CFHR1: variants seen among roughly 807,000 people sequenced by gnomAD.
CFHR1 encodes complement factor H-related protein 1.
In CFHR1, 22 loss-of-function variants were observed where a neutral mutation model predicts 30.4. The ratio of observed to expected loss-of-function variants is 0.72; its 90% CI spans 0.52 to 1.03. CFHR1 has a LOEUF of 1.03. Among genes scored for constraint, CFHR1 ranks in the 50% least tolerant of loss-of-function variants. CFHR1 has a pLI of 0.00. For synonymous variants in CFHR1, 95 were observed against 129.1 expected (o/e 0.74, Z 1.79); for missense variants, 248 against 380.6 (o/e 0.65, Z 2.90).
Position 196,822,559 on chromosome 1 carries a change from A to G in CFHR1, c.58+2657A>G, listed in dbSNP as rs1438642408. 1.5e-5 allele frequency among the ~76,000 whole-genome samples: 2 copies of G among 133,364 alleles called. 1 individual carries two copies. Among genetic ancestry groups the G allele is most frequent in the African/African-American group, 6.5e-5 (2 of 30,766 alleles). The allele number at this position is 133,364 out of a possible 152,430, so 87.5% of individuals were successfully genotyped here. A position where few individuals can be genotyped will look rare whatever the true frequency, so the allele number is the denominator to read the frequency against. On this transcript the variant is annotated intron_variant, in intron 1 of 5. Transcript: ENST00000320493. Reference sequence around the variant, plus strand: ...TTGTTAAAAACAGACACAAACACACACATTAACCTCGGCCTACAAAGAGTC... The same window carrying G: ...TTGTTAAAAACAGACACAAACACACGCATTAACCTCGGCCTACAAAGAGTC...
At chr1:196,824,569 T>G (rs1655249400) in intron 1 of CFHR1, among the ~76,000 whole-genome samples, 1 of 132,360 alleles carries the variant, frequency 7.6e-6, no homozygotes, top group Non-Finnish European at 1.6e-5. Context: ...TCTCATACAA[T>G]TTAAGGAATC....
At chr1:196,827,818 GA>G (rs1655391753) in intron 3 of CFHR1, among the ~76,000 whole-genome samples, 2 of 132,166 alleles carry the variant, frequency 1.5e-5, no homozygotes, top group South Asian at 2.6e-4. Context: ...TTCCAGAAGG[GA>G]AAAATAAAGG....
intron 1 of CFHR1, among the ~76,000 whole-genome samples, chr1:196,823,761 A>T (rs1655212695): frequency 7.4e-6 from 1 of 135,302 alleles, no homozygotes; most frequent in Non-Finnish European, 1.6e-5. Context: ...ATCTTGAGCT[A>T]AATACGTACT....
chr1:196,829,623 T>A (rs1479015905), intron 4 of CFHR1, among the ~76,000 whole-genome samples: 2 of 135,186 alleles, frequency 1.5e-5, no homozygotes, highest in Non-Finnish European at 3.1e-5. Context: ...TTTGAACACT[T>A]GAAAACTGTG....
rs747225762 is a variant in CFHR1 at position 196,828,286 on chromosome 1, A to G, written c.607+40A>G. 62 of 1,172,906 alleles carry G rather than the reference A, an allele frequency of 5.3e-5. 10 individuals carry two copies. The highest frequency in any genetic ancestry group is 5.8e-6 in the Non-Finnish European group (5 of 865,918). 72.7% of individuals were successfully genotyped at this position (1,172,906 alleles called of 1,614,324 possible). On this transcript the variant is annotated intron_variant, in intron 4 of 5. Coordinates refer to ENST00000320493, the MANE Select transcript of CFHR1 (RefSeq NM_002113.3). ...TTCTTTTAACATTTTGGGGGAGTAT[A>G]GCAGGGTTAAAATATGTTGATTTAA...
chr1:196,826,490 G>GTTTGT (rs768704438), intron 2 of CFHR1, among the ~76,000 whole-genome samples: 5 of 133,672 alleles, frequency 3.7e-5, no homozygotes, highest in East Asian at 2.0e-4. Flanking sequence ...TTGTTCGTTT[G>GTTTGT]TTTGTTTTGT....
At chr1:196,828,882 A>T (rs370542) in intron 4 of CFHR1, among the ~76,000 whole-genome samples, 60,524 of 127,482 alleles carry the variant, frequency 0.47, 20,080 homozygotes, top group African/African-American at 0.59. Flanking sequence ...TAGTTGGGTC[A>T]TGTTTACATA....
chr1:196,831,187 A>G lies in CFHR1; in HGVS notation c.790+505A>G, dbSNP rs1366068186. Among the ~76,000 whole-genome samples, 3 of 136,490 alleles carry G rather than the reference A, an allele frequency of 2.2e-5. 1 individual carries two copies. The highest frequency in any genetic ancestry group is 9.3e-5 in the African/African-American group (3 of 32,242). The allele number at this position is 136,490 out of a possible 152,430, so 89.5% of individuals were successfully genotyped here. ...TCTTTATATTTATATTTTATTTTAA[A>G]GAATTTAGTTGATAAATAAAAATAT... On this transcript the variant is annotated intron_variant, in intron 5 of 5. Transcript: ENST00000320493.
chr1:196,825,524 G>A lies in CFHR1; in HGVS notation c.106G>A (p.Glu36Lys). 3 of 1,519,806 alleles carry A rather than the reference G, an allele frequency of 2.0e-6. No homozygotes were observed. Among genetic ancestry groups the A allele is most frequent in the South Asian group, 2.5e-5 (2 of 79,940 alleles). 94.1% of individuals were successfully genotyped at this position (1,519,806 alleles called of 1,614,324 possible). A position where few individuals can be genotyped will look rare whatever the true frequency, so the allele number is the denominator to read the frequency against. The part of the protein sequence containing the change: ...PKINHGILYD[E>K]EKYKPFSQVP... ...AATAAACCATGGAATTCTATATGAT[G>A]AAGAAAAATATAAGCCATTTTCCCA... Residue 36 changes from glutamate to lysine, a missense_variant, in exon 2 of 6, where the codon GAA becomes AAA. Physicochemically the swap from Glu to Lys is moderately conservative, Grantham distance 56. This residue lies in a region of CFHR1 where 121 missense variants were observed against 162.6 expected (regional missense o/e 0.74). Coordinates refer to ENST00000320493, the MANE Select transcript of CFHR1 (RefSeq NM_002113.3).
At chr1:196,831,770 T>C in intron 5 of CFHR1, 27 bp from the exon 6 acceptor site, 5 of 1,504,512 alleles carry the variant, frequency 3.3e-6, no homozygotes, top group Non-Finnish European at 4.5e-6. Context: ...TACTTAATGT[T>C]TTATGTTTAC....
chr1:196,831,857 C>T lies in CFHR1; in HGVS notation c.851C>T (p.Ala284Val). ...ENYNIALRWT[A>V]KQKLYLRTGE... The stretch of plus-strand genomic sequence containing the variant: ...TATAACATAGCATTAAGGTGGACAG[C>T]CAAACAGAAGCTTTATTTGAGAACA... The change falls in exon 6 of 6, where the codon GCC becomes GTC. Residue 284 changes from alanine (A) to valine (V), a missense_variant. Ala to Val is a moderately conservative substitution (Grantham distance 64). This residue lies in a region of CFHR1 where 112 missense variants were observed against 156.4 expected (regional missense o/e 0.72). Transcript: ENST00000320493. 1 of 1,524,824 alleles carries T rather than the reference C, an allele frequency of 6.6e-7. No homozygotes were observed. The highest frequency in any genetic ancestry group is 8.9e-7 in the Non-Finnish European group (1 of 1,129,254). The allele number at this position is 1,524,824 out of a possible 1,614,324, so 94.5% of individuals were successfully genotyped here. A position where few individuals can be genotyped will look rare whatever the true frequency, so the allele number is the denominator to read the frequency against.
At position 196,830,439 on chromosome 1, in the gene CFHR1, T is replaced by G. The variant is rs753568126; in HGVS notation, c.608-61T>G. The G allele has an allele frequency of 1.2e-4, 175 of 1,481,688 alleles. 20 individuals are homozygous for G. The highest frequency in any genetic ancestry group is 4.8e-4 in the Admixed American group (28 of 58,004). 91.8% of individuals were successfully genotyped at this position (1,481,688 alleles called of 1,614,324 possible). ...AAGTGCTGTGTTTGTATTTGCCTTATTTGAACTTGTATTTTGATTTGCTCT... is the reference window on the plus strand; with the variant it reads ...AAGTGCTGTGTTTGTATTTGCCTTAGTTGAACTTGTATTTTGATTTGCTCT... On this transcript the variant is annotated intron_variant, in intron 4 of 5. Transcript: ENST00000320493.
chr1:196,825,686 T>C lies in CFHR1; in HGVS notation c.253+15T>C. On this transcript the variant is annotated intron_variant, in intron 2 of 5. Transcript: ENST00000320493. The stretch of plus-strand genomic sequence containing the variant: ...AAAGTGTCTCAGTGAGTAAATGCTC[T>C]GTTCATTAAATGGATGTCATTCAGT... 6.6e-7 allele frequency: 1 copy of C among 1,509,176 alleles called. No homozygotes were observed. The allele number at this position is 1,509,176 out of a possible 1,614,324, so 93.5% of individuals were successfully genotyped here. A position where few individuals can be genotyped will look rare whatever the true frequency, so the allele number is the denominator to read the frequency against.
rs1329879163 is a variant in CFHR1 at position 196,827,130 on chromosome 1, T to C, written c.430+125T>C. 6 of 1,064,870 alleles carry C rather than the reference T, an allele frequency of 5.6e-6. 1 individual carries two copies. In the Admixed American group the frequency reaches 1.2e-4, roughly 22 times the overall value. The allele number at this position is 1,064,870 out of a possible 1,614,324, so 66.0% of individuals were successfully genotyped here. On this transcript the variant is annotated intron_variant, in intron 3 of 5. Coordinates refer to ENST00000320493, the MANE Select transcript of CFHR1 (RefSeq NM_002113.3). ...TTATCTTTATTCATTTGATTTTCAG[T>C]TCCAATTGTGTCCAAGTGGATGTTG...
intron 1 of CFHR1, among the ~76,000 whole-genome samples, chr1:196,824,121 T>A (rs1358970326): frequency 7.4e-6 from 1 of 134,806 alleles, no homozygotes; most frequent in Non-Finnish European, 1.6e-5. Context: ...TCCTTTAGCA[T>A]CCTCAAGGAA....
Position 196,822,824 on chromosome 1 carries a change from C to A in CFHR1, c.59-2653C>A, listed in dbSNP as rs541925707. On this transcript the variant is annotated intron_variant, in intron 1 of 5. Coordinates refer to ENST00000320493, the MANE Select transcript of CFHR1 (RefSeq NM_002113.3). ...CTATATGAAATACATTAACCAGTAA[C>A]ACTTCTATATTATCATCATCAAGTA... 2.1e-4 allele frequency among the ~76,000 whole-genome samples: 29 copies of A among 134,962 alleles called. 3 individuals are homozygous for A. Among genetic ancestry groups the A allele is most frequent in the Admixed American group, 3.6e-4 (5 of 13,982 alleles). 88.5% of individuals were successfully genotyped at this position (134,962 alleles called of 152,430 possible).
rs770226300 is a variant in CFHR1 at position 196,828,098 on chromosome 1, A to G, written c.459A>G (p.Val153=). 2.1e-6 allele frequency: 3 copies of G among 1,423,558 alleles called. 1 individual carries two copies. Among genetic ancestry groups the G allele is most frequent in the Non-Finnish European group, 1.9e-6 (2 of 1,062,618 alleles). 88.2% of individuals were successfully genotyped at this position (1,423,558 alleles called of 1,614,324 possible). Residue 153 remains valine, a synonymous_variant, in exon 4 of 6, where the codon GTA becomes GTG. Transcript: ENST00000320493. ...CTTCCTGTGTGAATCCGCCCACAGTACAAAATGCTCATATACTGTCGAGAC... is the reference window on the plus strand; with the variant it reads ...CTTCCTGTGTGAATCCGCCCACAGTGCAAAATGCTCATATACTGTCGAGAC... ...TDTSCVNPPT[V]QNAHILSRQM...
intron 1 of CFHR1, among the ~76,000 whole-genome samples, chr1:196,820,702 C>T (rs1316615107): frequency 8.2e-6 from 1 of 122,112 alleles, no homozygotes; most frequent in African/African-American, 3.5e-5. Context: ...TGGCTGTTTC[C>T]TAATGTTTCC....
chr1:196,830,166 C>T lies in CFHR1; in HGVS notation c.608-334C>T, dbSNP rs539337051. The stretch of plus-strand genomic sequence containing the variant: ...CAAAACCCGTGTCCTCTTAGTGTTA[C>T]TCCAAAGAATGTTGAATATGAAATA... On this transcript the variant is annotated intron_variant, in intron 4 of 5. Coordinates refer to ENST00000320493, the MANE Select transcript of CFHR1 (RefSeq NM_002113.3). 2.2e-5 allele frequency among the ~76,000 whole-genome samples: 3 copies of T among 135,486 alleles called. No homozygotes were observed. In the East Asian group the frequency reaches 5.9e-4, roughly 26 times the overall value. 88.9% of individuals were successfully genotyped at this position (135,486 alleles called of 152,430 possible).
Sources: gnomAD v4.1 joint callset for allele counts (sites outside exome capture counted in the v4.1 genomes callset) on GRCh38, gnomAD v4.1.1 for gene constraint, gnomAD v4.1.1 regional missense constraint, MANE v1.5 for transcripts, NCBI Gene and HGNC (gene_info 2026-07-23, HGNC 2026-07-21) for gene names.